The following CAMTA1 variants were observed in gnomAD, a reference collection of about 807,000 sequenced individuals.
The protein encoded by CAMTA1 is calmodulin binding transcription activator 1.
CAMTA1 carries 27 observed loss-of-function variants against 170.9 expected under a neutral mutation model. That is an observed-to-expected ratio of 0.16 (90% CI 0.12 to 0.22). CAMTA1 has a LOEUF of 0.22. CAMTA1 is among the 10% of genes least tolerant of loss of function. The pLI is 1.00. For synonymous variants in CAMTA1, 833 were observed against 891.5 expected (o/e 0.93, Z 1.17); for missense variants, 1,619 against 2,217.2 (o/e 0.73, Z 5.42).
At chr1:7,434,783 G>A (rs1409233922) in intron 5 of CAMTA1, among the ~76,000 whole-genome samples, 3 of 151,322 alleles carry the variant, frequency 2.0e-5, no homozygotes, top group African/African-American at 7.3e-5. Flanking sequence ...GCTCACGCCT[G>A]TAATCTCAGC....
At position 7,093,853 on chromosome 1, in the gene CAMTA1, G is replaced by A. The variant is rs1232078518; in HGVS notation, c.302+2482G>A. On this transcript the variant is annotated intron_variant, in intron 4 of 22. Coordinates refer to ENST00000303635, the MANE Select transcript of CAMTA1 (RefSeq NM_015215.4). This position sits in a 1 kb window ranked among gnomAD's most constrained non-coding sequence, Gnocchi z 4.6. Reference sequence around the variant, plus strand: ...TTGCGACTGTGAAAAGGTCATCTTAGCTCCTTTAAAAGCCCTGGTTTTTCT... The same window carrying A: ...TTGCGACTGTGAAAAGGTCATCTTAACTCCTTTAAAAGCCCTGGTTTTTCT... Among the ~76,000 whole-genome samples the A allele has an allele frequency of 6.6e-6, 1 of 152,190 alleles. No individual in the cohort carries two copies. Among genetic ancestry groups the A allele is most frequent in the Non-Finnish European group, 1.5e-5 (1 of 68,030 alleles).
intron 5 of CAMTA1, among the ~76,000 whole-genome samples, chr1:7,269,769 G>T (rs1357285473): frequency 6.6e-6 from 1 of 152,150 alleles, no homozygotes; most frequent in Non-Finnish European, 1.5e-5. Context: ...ATAATTGGAG[G>T]CCCAGACCAT....
Position 7,603,895 on chromosome 1 carries a change from C to G in CAMTA1, c.511-36505C>G, listed in dbSNP as rs1477439183. Among the ~76,000 whole-genome samples, 6 of 152,282 alleles carry G rather than the reference C, an allele frequency of 3.9e-5. No homozygotes were observed. The East Asian group carries it at 1.2e-3, about 29-fold the overall frequency. The stretch of plus-strand genomic sequence containing the variant: ...CAGGCCTGGTGGTAACAAAATCTCT[C>G]AGCGTTTGCTTGTCTGTAAAGTATT... On this transcript the variant is annotated intron_variant, in intron 6 of 22. Transcript: ENST00000303635.
intron 5 of CAMTA1, among the ~76,000 whole-genome samples, chr1:7,418,667 A>C (rs1337290754): frequency 1.3e-5 from 2 of 152,174 alleles, no homozygotes; most frequent in African/African-American, 4.8e-5. Flanking sequence ...AAGTGTCTCA[A>C]ATATCAGGAG....
chr1:7,667,242 C>T (rs1172588485), intron 9 of CAMTA1, among the ~76,000 whole-genome samples: 3 of 152,032 alleles, frequency 2.0e-5, no homozygotes, highest in Non-Finnish European at 4.4e-5. Flanking sequence ...TTCGGAGTGC[C>T]CACCACACCC....
chr1:7,433,132 G>T (rs1411703929), intron 5 of CAMTA1, among the ~76,000 whole-genome samples: 1 of 152,254 alleles, frequency 6.6e-6, no homozygotes, highest in Non-Finnish European at 1.5e-5. Flanking sequence ...CCTGCCTCCT[G>T]CTCATGGAGG....
intron 3 of CAMTA1, among the ~76,000 whole-genome samples, chr1:6,926,488 C>CTTTCTTTCTTTCTTTCTTTCTT (rs749163108): frequency 8.0e-6 from 1 of 125,696 alleles, no homozygotes; most frequent in South Asian, 2.6e-4. Flanking sequence ...TTCTTTCTTT[C>CTTTCTTTCTTTCTTTCTTTCTT]TCTCTCTCTT....
chr1:6,909,317 G>T (rs929827555), intron 3 of CAMTA1, among the ~76,000 whole-genome samples: 2 of 152,162 alleles, frequency 1.3e-5, no homozygotes. Flanking sequence ...AATTACTTCC[G>T]AATACTTGTG....
chr1:7,368,094 G>T (rs900896014), intron 5 of CAMTA1, among the ~76,000 whole-genome samples: 1 of 151,388 alleles, frequency 6.6e-6, no homozygotes, highest in African/African-American at 2.4e-5. Flanking sequence ...GTTTCACTGG[G>T]CGCAGGCACT....
intron 6 of CAMTA1, among the ~76,000 whole-genome samples, chr1:7,513,504 G>A (rs1474383272): frequency 6.6e-6 from 1 of 152,166 alleles, no homozygotes; most frequent in Non-Finnish European, 1.5e-5. Context: ...GAGAGGGTCT[G>A]TCCCGGCCCT....
At position 6,792,342 on chromosome 1, in the gene CAMTA1, G is replaced by T. The variant is rs1296540103; in HGVS notation, c.45+6767G>T. Among the ~76,000 whole-genome samples the T allele has an allele frequency of 5.4e-4, 72 of 134,080 alleles. 1 individual carries two copies. In the South Asian group the frequency reaches 8.4e-3, roughly 16 times the overall value. 88.0% of individuals were successfully genotyped at this position (134,080 alleles called of 152,430 possible). A position where few individuals can be genotyped will look rare whatever the true frequency, so the allele number is the denominator to read the frequency against. ...AAGGGTGAGTAAAGGGTGGTTTTGG[G>T]TTTTTTTTTTTTTTTGCCATCAGTA... On this transcript the variant is annotated intron_variant, in intron 1 of 22. Transcript: ENST00000303635.
intron 5 of CAMTA1, among the ~76,000 whole-genome samples, chr1:7,255,292 T>TA (rs1011150489): frequency 2.6e-5 from 4 of 151,686 alleles, no homozygotes; most frequent in East Asian, 1.9e-4. Flanking sequence ...ACAATTAAAA[T>TA]AAAAAAATAA....
intron 4 of CAMTA1, among the ~76,000 whole-genome samples, chr1:7,174,826 G>T (rs1273564997): frequency 6.6e-6 from 1 of 152,172 alleles, no homozygotes; most frequent in East Asian, 1.9e-4. Context: ...CGAGGCAGAG[G>T]TGCCCTGTCT....
chr1:7,198,627 C>T (rs1387316507), intron 4 of CAMTA1, among the ~76,000 whole-genome samples: 1 of 152,090 alleles, frequency 6.6e-6, no homozygotes, highest in East Asian at 1.9e-4. Flanking sequence ...GCGCTGGCTT[C>T]TTTGAGCCTC....
At chr1:6,863,665 A>G (rs896356780) in intron 3 of CAMTA1, among the ~76,000 whole-genome samples, 1 of 152,206 alleles carries the variant, frequency 6.6e-6, no homozygotes, top group Non-Finnish European at 1.5e-5. Context: ...TTTCAGAGTT[A>G]TAGAAATGTC....
chr1:7,001,471 G>A (rs1247075380), intron 3 of CAMTA1, among the ~76,000 whole-genome samples: 1 of 152,226 alleles, frequency 6.6e-6, no homozygotes, highest in Non-Finnish European at 1.5e-5. Flanking sequence ...TGTTTCTGCT[G>A]AGTGTAAATT....
chr1:7,406,052 G>A (rs901546709), intron 5 of CAMTA1, among the ~76,000 whole-genome samples: 1 of 152,236 alleles, frequency 6.6e-6, no homozygotes, highest in East Asian at 1.9e-4. Flanking sequence ...TAAATGGTGA[G>A]GAACAGGGGT....
intron 6 of CAMTA1, among the ~76,000 whole-genome samples, chr1:7,593,008 G>C (rs2095366878): frequency 6.6e-6 from 1 of 152,150 alleles, no homozygotes; most frequent in Non-Finnish European, 1.5e-5. Flanking sequence ...CTAGATGGTG[G>C]GATTGGGCTT....
At chr1:7,601,475 A>G (rs370614945) in intron 6 of CAMTA1, among the ~76,000 whole-genome samples, 11 of 146,968 alleles carry the variant, frequency 7.5e-5, no homozygotes, top group South Asian at 2.2e-4. Context: ...CCAGGCAGAG[A>G]GGCTCCTCAC....
Sources: allele counts gnomAD v4.1 joint callset (sites outside exome capture counted in the v4.1 genomes callset), GRCh38; gene constraint gnomAD v4.1.1; non-coding constraint Gnocchi (gnomAD v3.1); transcripts MANE v1.5; gene names NCBI Gene and HGNC (gene_info 2026-07-23, HGNC 2026-07-21).